Variants in SLC19A1 observed in about 807,000 individuals in gnomAD.
The protein encoded by SLC19A1 is solute carrier family 19 member 1.
In SLC19A1, 37 loss-of-function variants were observed where a neutral mutation model predicts 35.3. The ratio of observed to expected loss-of-function variants is 1.05; its 90% CI spans 0.81 to 1.38. The LOEUF (loss-of-function observed/expected upper bound fraction) is 1.38, where lower values mean the gene tolerates loss of function less well. Among genes scored for constraint, SLC19A1 ranks in the 40% most tolerant of loss-of-function variants. SLC19A1 has a pLI of 0.00. For missense variants in SLC19A1, 831 were observed against 826.9 expected (o/e 1.00, Z -0.06); for synonymous variants, 460 against 398.5 (o/e 1.15, Z -1.84).
chr21:45,531,177 G>T (rs1265826670), intron 3 of SLC19A1, among the ~76,000 whole-genome samples: 1 of 75,200 alleles, frequency 1.3e-5, no homozygotes, highest in Non-Finnish European at 2.9e-5. Context: ...GGGAGCCTCC[G>T]GGGGAAGGAT....
intron 1 of SLC19A1, among the ~76,000 whole-genome samples, chr21:45,555,436 T>G (rs2146507559): frequency 1.5e-5 from 1 of 65,876 alleles, no homozygotes; most frequent in Non-Finnish European, 2.9e-5. Context: ...TGGGGGGTGT[T>G]GGGGGCGGGA....
chr21:45,515,956 C>T lies in SLC19A1; in HGVS notation c.1478G>A (p.Gly493Asp), dbSNP rs2037905330. Residue 493 changes from glycine (G) to aspartate (D), a missense_variant, in exon 6 of 6, where the codon GGC (glycine) becomes GAC (aspartate). Coordinates refer to ENST00000311124, the MANE Select transcript of SLC19A1 (RefSeq NM_194255.4). ...ALSVQDKGLG[G>D]LQPAQSPPLS... ...CGGCGGGCTCTGGGCTGGCTGCAGGCCTCCGAGGCCCTTGTCCTGCACGCT... is the reference window on the plus strand; with the variant it reads ...CGGCGGGCTCTGGGCTGGCTGCAGGTCTCCGAGGCCCTTGTCCTGCACGCT... 2.6e-6 allele frequency: 4 copies of T among 1,537,100 alleles called. No individual in the cohort carries two copies. The highest frequency in any genetic ancestry group is 3.4e-4 in the Middle Eastern group (2 of 5,864).
intron 1 of SLC19A1, among the ~76,000 whole-genome samples, chr21:45,557,871 C>T (rs933312002): frequency 1.4e-4 from 21 of 152,336 alleles, no homozygotes; most frequent in African/African-American, 4.6e-4. Flanking sequence ...CCTCGGCACT[C>T]GGACTTGGCC....
chr21:45,507,841 C>T (rs2037314749), downstream of SLC19A1, among the ~76,000 whole-genome samples: 1 of 152,228 alleles, frequency 6.6e-6, no homozygotes, highest in South Asian at 2.1e-4. Context: ...TCAACTTTCC[C>T]AGTTGTGTCT....
At chr21:45,548,877 A>G (rs1053419596), upstream of SLC19A1, among the ~76,000 whole-genome samples, 2 of 152,202 alleles carry the variant, frequency 1.3e-5, no homozygotes, top group African/African-American at 4.8e-5. Flanking sequence ...CCTACTATAA[A>G]GGCTAAAATT....
chr21:45,532,111 T>C lies in SLC19A1; in HGVS notation c.227A>G (p.Tyr76Cys). Residue 76 changes from tyrosine (Y) to cysteine (C), a missense_variant, in exon 3 of 6, where the codon TAC becomes TGC. Physicochemically the swap from Tyr to Cys is radical, Grantham distance 194. Coordinates refer to ENST00000311124, the MANE Select transcript of SLC19A1 (RefSeq NM_194255.4). ...GAACACGGGCACCAGCACGGCCAGG[T>C]AGGAGTACGACAGCACCGGCGTGAT... is the stretch of plus-strand genomic sequence containing the variant. ...NEITPVLSYS[Y>C]LAVLVPVFLL... 1 of 1,610,750 alleles carries C rather than the reference T, an allele frequency of 6.2e-7. No homozygotes were observed. The highest frequency in any genetic ancestry group is 8.5e-7 in the Non-Finnish European group (1 of 1,178,456).
chr21:45,541,747 C>G (rs551981435), intron 1 of SLC19A1: 1 of 152,398 alleles, frequency 6.6e-6, no homozygotes, highest in Admixed American at 6.5e-5. Flanking sequence ...GGAGATGTGC[C>G]AGGGGCCCGC....
chr21:45,521,828 T>C (rs945574231), intron 5 of SLC19A1, among the ~76,000 whole-genome samples: 1 of 152,178 alleles, frequency 6.6e-6, no homozygotes, highest in African/African-American at 2.4e-5. Flanking sequence ...AAAAGTGACC[T>C]CAACCTAAAC....
rs755610987 is a variant in SLC19A1, at chr21:45,537,795, G to T, written c.165C>A (p.Pro55=). The part of the protein sequence containing the change: ...ESFITPYLLG[P]DKNFTREQVT... ...CCTGCTCCCGCGTGAAGTTCTTGTC[G>T]GGCCCCAGGAGGTAGGGGGTGATGA... The change falls in exon 2 of 6, where the codon CCC becomes CCA. Residue 55 remains proline, a synonymous_variant. Coordinates refer to ENST00000311124, the MANE Select transcript of SLC19A1 (RefSeq NM_194255.4). 2.7e-6 allele frequency: 4 copies of T among 1,484,630 alleles called. No homozygotes were observed. In the African/African-American group the frequency reaches 5.9e-5, roughly 22 times the overall value. The allele number at this position is 1,484,630 out of a possible 1,614,324, so 92.0% of individuals were successfully genotyped here.
At chr21:45,560,629 C>T (rs374470415) in intron 1 of SLC19A1, among the ~76,000 whole-genome samples, 4 of 152,354 alleles carry the variant, frequency 2.6e-5, no homozygotes, top group South Asian at 2.1e-4. Context: ...CGGCCGCACA[C>T]GGCGGGGCAG....
At chr21:45,519,678 A>G (rs1470592132) in intron 5 of SLC19A1, among the ~76,000 whole-genome samples, 2 of 152,094 alleles carry the variant, frequency 1.3e-5, no homozygotes, top group Non-Finnish European at 2.9e-5. Flanking sequence ...ACCAAAACAA[A>G]TTTCAATCCC....
rs1474716016 is a variant in SLC19A1 at position 45,514,972 on chromosome 21, C to T, written c.*686G>A. The T allele has an allele frequency of 2.0e-6, 3 of 1,489,430 alleles. No homozygotes were observed. Among genetic ancestry groups the T allele is most frequent in the Non-Finnish European group, 2.7e-6 (3 of 1,123,414 alleles). The allele number at this position is 1,489,430 out of a possible 1,614,324, so 92.3% of individuals were successfully genotyped here. On this transcript the variant is annotated 3_prime_UTR_variant, in exon 6 of 6. Coordinates refer to ENST00000311124, the MANE Select transcript of SLC19A1 (RefSeq NM_194255.4). ...AAGTGTGGGAGCAGCTGAGGACCCG[C>T]AGGTCAGGATGGACACACTTCAGAA...
At chr21:45,556,798 G>C (rs2078566621) in intron 1 of SLC19A1, among the ~76,000 whole-genome samples, 1 of 152,226 alleles carries the variant, frequency 6.6e-6, no homozygotes, top group African/African-American at 2.4e-5. Flanking sequence ...TCTTGGATGG[G>C]GAGAGAGGCG....
intron 5 of SLC19A1, 132 bp from the exon 6 acceptor site, chr21:45,516,272 A>T (rs2037934265): frequency 5.8e-6 from 4 of 690,076 alleles, no homozygotes; most frequent in Non-Finnish European, 7.4e-6. Flanking sequence ...CACAGCGGTC[A>T]GAGGCCAGCC....
At chr21:45,558,560 A>G (rs1468202876) in intron 1 of SLC19A1, among the ~76,000 whole-genome samples, 1 of 152,102 alleles carries the variant, frequency 6.6e-6, no homozygotes, top group African/African-American at 2.4e-5. Context: ...GGCCAGTGTG[A>G]CTTGAGTTCA....
At chr21:45,508,630 G>A (rs2037393478), downstream of SLC19A1, among the ~76,000 whole-genome samples, 1 of 152,208 alleles carries the variant, frequency 6.6e-6, no homozygotes, top group South Asian at 2.1e-4. Flanking sequence ...ATTGGCTCAG[G>A]AGTGAGGCCT....
intron 3 of SLC19A1, 26 bp downstream of exon 3, chr21:45,531,363 A>C: frequency 6.5e-7 from 1 of 1,542,216 alleles, no homozygotes; most frequent in Non-Finnish European, 8.7e-7. Context: ...TGCGGGAAGA[A>C]GCCTCGGGGA....
chr21:45,558,639 A>T (rs1257113968), intron 1 of SLC19A1, among the ~76,000 whole-genome samples: 1 of 152,116 alleles, frequency 6.6e-6, no homozygotes, highest in African/African-American at 2.4e-5. Flanking sequence ...TAGGGAGCGG[A>T]GCTGCTACAG....
Position 45,505,209 on chromosome 21 carries a change from G to A in SLC19A1, c.498-6597C>T. 4 of 1,603,214 alleles carry A rather than the reference G, an allele frequency of 2.5e-6. No homozygotes were observed. Among genetic ancestry groups the A allele is most frequent in the Non-Finnish European group, 3.4e-6 (4 of 1,175,786 alleles). On this transcript the variant is annotated intron_variant, in intron 3 of 4. Coordinates refer to the SLC19A1 transcript ENST00000417954. ...GGGACCCCCCGGCATCGGCTACGAG[G>A]GGCGCCAGGGCCCTCCCGGCCCCCC... is the stretch of plus-strand genomic sequence containing the variant.
Sources: gnomAD v4.1 joint callset for allele counts (sites outside exome capture counted in the v4.1 genomes callset) on GRCh38, gnomAD v4.1.1 for gene constraint, MANE v1.5 for transcripts, NCBI Gene and HGNC (gene_info 2026-07-23, HGNC 2026-07-21) for gene names.